The following ATXN8OS variants were observed in gnomAD, a reference collection of about 807,000 sequenced individuals.
ATXN8OS encodes the protein ATXN8 opposite strand lncRNA.
chr13:70,118,565 G>A (rs1278195117), intron 2 of ATXN8OS, among the ~76,000 whole-genome samples: 2 of 151,868 alleles, frequency 1.3e-5, no homozygotes, highest in African/African-American at 4.8e-5. Context: ...TTTATACATA[G>A]AGAGGAAGAG....
chr13:70,121,825 C>CA (rs1265972807), intron 2 of ATXN8OS, among the ~76,000 whole-genome samples: 4 of 151,878 alleles, frequency 2.6e-5, no homozygotes, highest in Non-Finnish European at 5.9e-5. Context: ...TGAGAAGCAG[C>CA]ACACCATGGG....
chr13:70,107,789 G>T, exon 1 of ATXN8OS: 1 of 980,302 alleles, frequency 1.0e-6, no homozygotes, highest in Non-Finnish European at 1.5e-6. Context: ...CGGGGGCGGA[G>T]GAAGAGGCGG....
chr13:70,133,832 A>G (rs556843427), intron 3 of ATXN8OS, among the ~76,000 whole-genome samples: 8 of 152,238 alleles, frequency 5.3e-5, no homozygotes, highest in Non-Finnish European at 8.8e-5. Flanking sequence ...CTCCACAACT[A>G]CAACTATGAG....
At chr13:70,124,076 A>T (rs904435719) in intron 2 of ATXN8OS, among the ~76,000 whole-genome samples, 1 of 152,060 alleles carries the variant, frequency 6.6e-6, no homozygotes, top group African/African-American at 2.4e-5. Flanking sequence ...TTCACATGCC[A>T]TTTTTCTTTA....
intron 2 of ATXN8OS, among the ~76,000 whole-genome samples, chr13:70,120,652 C>T (rs1888346499): frequency 6.6e-6 from 1 of 152,002 alleles, no homozygotes; most frequent in Non-Finnish European, 1.5e-5. Flanking sequence ...GGTAAGTAAC[C>T]ATTTGGTGAG....
In ATXN8OS at chr13:70,157,758, C is replaced by T. The variant is rs115043808; in HGVS notation, n.573+10330C>T. Among the ~76,000 whole-genome samples, 1,220 of 152,228 alleles carry T rather than the reference C, an allele frequency of 8.0e-3. 14 individuals are homozygous for T. Among genetic ancestry groups the T allele is most frequent in the African/African-American group, 0.026 (1,098 of 41,548 alleles). ...AAGAAAAATTCCACCTGACAGCAGA[C>T]AGTTCCCTGACTCCAACTGGCCTAA... is the stretch of plus-strand genomic sequence containing the variant. On this transcript the variant is annotated intron_variant and non_coding_transcript_variant, in intron 4 of 4. Transcript: ENST00000678624.
At chr13:70,166,404 A>G (rs1382787428) in intron 4 of ATXN8OS, among the ~76,000 whole-genome samples, 1 of 152,096 alleles carries the variant, frequency 6.6e-6, no homozygotes. Context: ...GACAAAAACA[A>G]GAAATGGGGA....
intron 4 of ATXN8OS, among the ~76,000 whole-genome samples, chr13:70,164,128 T>C (rs1889046442): frequency 6.7e-6 from 1 of 149,618 alleles, no homozygotes; most frequent in African/African-American, 2.4e-5. Context: ...AGGATAATAT[T>C]AATAATAATA....
intron 4 of ATXN8OS, among the ~76,000 whole-genome samples, chr13:70,155,227 C>T (rs1888922172): frequency 6.6e-6 from 1 of 152,160 alleles, no homozygotes; most frequent in Non-Finnish European, 1.5e-5. Context: ...TCATAGTTTC[C>T]TTGATACAAA....
intron 4 of ATXN8OS, among the ~76,000 whole-genome samples, chr13:70,158,981 T>C (rs1014660408): frequency 6.6e-6 from 1 of 152,202 alleles, no homozygotes; most frequent in Non-Finnish European, 1.5e-5. Context: ...AATATTTTAC[T>C]TTGTAATTAT....
chr13:70,164,504 C>A (rs1801256506), intron 4 of ATXN8OS, among the ~76,000 whole-genome samples: 1 of 151,630 alleles, frequency 6.6e-6, no homozygotes, highest in Admixed American at 6.6e-5. Context: ...CATCTTTGTA[C>A]AAAAATATAC....
intron 2 of ATXN8OS, among the ~76,000 whole-genome samples, chr13:70,119,075 G>A (rs1888322962): frequency 6.6e-6 from 1 of 151,874 alleles, no homozygotes; most frequent in Admixed American, 6.6e-5. Flanking sequence ...AAGTGGACAG[G>A]GACATATCTT....
rs550893753 is a variant in ATXN8OS, at chr13:70,151,786, A to G, written n.573+4358A>G. Reference sequence around the variant, plus strand: ...ATATGTTTTAGAAGTCATCCGTAATAACTCCAGTGAAGAGTAATAACGACC... The same window carrying G: ...ATATGTTTTAGAAGTCATCCGTAATGACTCCAGTGAAGAGTAATAACGACC... On this transcript the variant is annotated intron_variant and non_coding_transcript_variant, in intron 4 of 4. Coordinates refer to ENST00000678624, the Ensembl canonical transcript of ATXN8OS. 1.6e-4 allele frequency among the ~76,000 whole-genome samples: 24 copies of G among 152,252 alleles called. No homozygotes were observed. In the South Asian group the frequency reaches 5.0e-3, roughly 32 times the overall value.
At chr13:70,110,731 TAAAA>T (rs928775275) in intron 1 of ATXN8OS, among the ~76,000 whole-genome samples, 3 of 151,984 alleles carry the variant, frequency 2.0e-5, no homozygotes, top group African/African-American at 7.2e-5. Context: ...TATTCAAAAA[TAAAA>T]AACTTTGATT....
chr13:70,131,315 C>G, intron 3 of ATXN8OS: 1 of 398,456 alleles, frequency 2.5e-6, no homozygotes, highest in Non-Finnish European at 4.4e-6. Context: ...CTACAGATGT[C>G]CCCTAAATTT....
At chr13:70,113,837 A>G (rs1888236067) in intron 1 of ATXN8OS, among the ~76,000 whole-genome samples, 1 of 152,196 alleles carries the variant, frequency 6.6e-6, no homozygotes, top group South Asian at 2.1e-4. Context: ...ATCTAGGACA[A>G]AAATGCATGG....
At chr13:70,149,708 G>A (rs1297702444) in intron 4 of ATXN8OS, among the ~76,000 whole-genome samples, 2 of 152,078 alleles carry the variant, frequency 1.3e-5, no homozygotes, top group African/African-American at 4.8e-5. Context: ...GCATGCCATC[G>A]GGGAAAAGGC....
intron 4 of ATXN8OS, among the ~76,000 whole-genome samples, chr13:70,151,597 A>T (rs1593773907): frequency 6.6e-6 from 1 of 152,162 alleles, no homozygotes; most frequent in Non-Finnish European, 1.5e-5. Flanking sequence ...TATTCAAGAT[A>T]ATTACTACAT....
intron 4 of ATXN8OS, among the ~76,000 whole-genome samples, chr13:70,158,932 A>T (rs1888968690): frequency 6.6e-6 from 1 of 152,202 alleles, no homozygotes; most frequent in African/African-American, 2.4e-5. Flanking sequence ...CGAAGCCTTT[A>T]ATTTATGAAA....
Sources: gnomAD v4.1 joint callset for allele counts (sites outside exome capture counted in the v4.1 genomes callset) on GRCh38, gnomAD v4.1.1 for gene constraint, MANE v1.5 for transcripts, NCBI Gene and HGNC (gene_info 2026-07-23, HGNC 2026-07-21) for gene names.